HSPG2: variants seen among roughly 807,000 people sequenced by gnomAD.
The protein encoded by HSPG2 is heparan sulfate proteoglycan 2.
HSPG2 carries 278 observed loss-of-function variants against 526.6 expected under a neutral mutation model. That is an observed-to-expected ratio of 0.53 (90% CI 0.48 to 0.58). HSPG2 has a LOEUF of 0.58. Among genes scored for constraint, HSPG2 ranks in the 20% least tolerant of loss-of-function variants. HSPG2 has a pLI of 0.00. For missense variants in HSPG2, 5,354 were observed against 6,099.5 expected (o/e 0.88, Z 4.07); for synonymous variants, 2,465 against 2,555.4 (o/e 0.96, Z 1.07).
intron 1 of HSPG2, among the ~76,000 whole-genome samples, chr1:21,915,156 G>T (rs1643861630): frequency 6.6e-6 from 1 of 152,074 alleles, no homozygotes; most frequent in South Asian, 2.1e-4. Context: ...AGTGCAAACA[G>T]CACACTTGGC....
In HSPG2 at chr1:21,824,763, G is replaced by C; in HGVS notation, c.12606C>G (p.Tyr4202Ter). The part of the protein sequence containing the change: ...GSGGNDAPGQ[Y>*]GAYFHDDGFL... ...AGCCATCATCGTGGAAATAGGCTCCGTACTGCCCAGGGGCATCTGTGGGAG... is the reference window on the plus strand; with the variant it reads ...AGCCATCATCGTGGAAATAGGCTCCCTACTGCCCAGGGGCATCTGTGGGAG... The change falls in exon 92 of 97, where the codon TAC (tyrosine) becomes TAG (stop). Residue 4202 changes from tyrosine (Y) to a stop codon, truncating the protein, a stop_gained. Coordinates refer to ENST00000374695, the MANE Select transcript of HSPG2 (RefSeq NM_005529.7). LOFTEE classifies it high-confidence loss of function. The surrounding 1 kb of genome is among the most constrained non-coding windows in gnomAD (Gnocchi z 5.9). The C allele has an allele frequency of 6.2e-7, 1 of 1,612,928 alleles. No individual in the cohort carries two copies. The highest frequency in any genetic ancestry group is 8.5e-7 in the Non-Finnish European group (1 of 1,179,564).
Position 21,824,179 on chromosome 1 carries a change from G to T in HSPG2, c.12841C>A (p.Arg4281Ser). ...TTGATGGGGTCCTCAGAGACCAGGC[G>T]GGCCTCCCCACTACCCAGCTGGTAC... The part of the protein sequence containing the change: ...FRYQLGSGEA[R>S]LVSEDPINDG... The change falls in exon 95 of 97, where the codon CGC becomes AGC. Residue 4281 changes from arginine to serine, a missense_variant. Coordinates refer to ENST00000374695, the MANE Select transcript of HSPG2 (RefSeq NM_005529.7). This position sits in a 1 kb window ranked among gnomAD's most constrained non-coding sequence, Gnocchi z 5.9. 1 of 1,613,722 alleles carries T rather than the reference G, an allele frequency of 6.2e-7. No homozygotes were observed.
chr1:21,877,059 C>CAAAAAAAAAAA (rs3077630), intron 21 of HSPG2, among the ~76,000 whole-genome samples: 3 of 103,062 alleles, frequency 2.9e-5, no homozygotes, highest in East Asian at 2.6e-4. Flanking sequence ...GACTCCATCT[C>CAAAAAAAAAAA]AAAAAAAAAA....
Position 21,887,776 on chromosome 1 carries a change from C to G in HSPG2, c.704-102G>C. On this transcript the variant is annotated intron_variant, in intron 7 of 96. Coordinates refer to ENST00000374695, the MANE Select transcript of HSPG2 (RefSeq NM_005529.7). The surrounding 1 kb of genome is among the most constrained non-coding windows in gnomAD (Gnocchi z 5.0). Reference sequence around the variant, plus strand: ...GCCCACCCTGTACTCCCCAACACCACTCCCTGCCACCCCCTGCCTGGCTCT... The same window carrying G: ...GCCCACCCTGTACTCCCCAACACCAGTCCCTGCCACCCCCTGCCTGGCTCT... The G allele has an allele frequency of 6.4e-7, 1 of 1,561,258 alleles. No homozygotes were observed.
chr1:21,875,180 T>C, intron 25 of HSPG2, 178 bp from the exon 26 acceptor site: 1 of 652,302 alleles, frequency 1.5e-6, no homozygotes, highest in Non-Finnish European at 2.8e-6. Flanking sequence ...TACCTGCAAC[T>C]TACTCCAAAC....
intron 47 of HSPG2, 80 bp downstream of exon 47, chr1:21,855,224 C>A: frequency 6.7e-7 from 1 of 1,500,294 alleles, no homozygotes; most frequent in African/African-American, 1.4e-5. Flanking sequence ...TGGGGTGGGG[C>A]GTGAAGGGGG....
chr1:21,867,065 T>C (rs1436968365), intron 33 of HSPG2, among the ~76,000 whole-genome samples: 4 of 55,748 alleles, frequency 7.2e-5, no homozygotes, highest in African/African-American at 2.4e-4. Context: ...TTTTTATTTT[T>C]TTTTTCACCT....
intron 1 of HSPG2, among the ~76,000 whole-genome samples, chr1:21,911,631 A>G (rs1643687706): frequency 6.6e-6 from 1 of 152,198 alleles, no homozygotes; most frequent in Admixed American, 6.5e-5. Flanking sequence ...GGGGCTGAAC[A>G]TGCCTTAACT....
chr1:21,874,215 G>C (rs1324658566), intron 28 of HSPG2, among the ~76,000 whole-genome samples, 191 bp downstream of exon 28: 1 of 152,188 alleles, frequency 6.6e-6, no homozygotes, highest in Non-Finnish European at 1.5e-5. Flanking sequence ...GAGGAGGGTG[G>C]ACTACCCCAT....
rs560737435 is a variant in HSPG2 at position 21,887,285 on chromosome 1, A to G, written c.1008T>C (p.His336=). 6.2e-7 allele frequency: 1 copy of G among 1,613,942 alleles called. No homozygotes were observed. The highest frequency in any genetic ancestry group is 1.3e-5 in the African/African-American group (1 of 74,912). The part of the protein sequence containing the change: ...EPNEFPCGNG[H]CALKLWRCDG... ...CGCAGCGCCACAGCTTGAGGGCACAATGTCCATTCCCGCAGGGGAACTCGT... is the reference window on the plus strand; with the variant it reads ...CGCAGCGCCACAGCTTGAGGGCACAGTGTCCATTCCCGCAGGGGAACTCGT... The change falls in exon 9 of 97, where the codon CAT becomes CAC. Residue 336 remains histidine (H), a synonymous_variant. Coordinates refer to ENST00000374695, the MANE Select transcript of HSPG2 (RefSeq NM_005529.7). The surrounding 1 kb of genome is among the most constrained non-coding windows in gnomAD (Gnocchi z 5.0).
In HSPG2 at chr1:21,890,119, C is replaced by T. The variant is rs760250313; in HGVS notation, c.436G>A (p.Val146Met). 1.2e-6 allele frequency: 2 copies of T among 1,614,036 alleles called. No individual in the cohort carries two copies. The highest frequency in any genetic ancestry group is 8.5e-7 in the Non-Finnish European group (1 of 1,179,992). ...CCTTCCGAGCCCACATCCAGCTCCA[C>T]AAAAACCCAGCCATCCAGCTCCCTG... is the stretch of plus-strand genomic sequence containing the variant. ...FIKELDGWVF[V>M]ELDVGSEGNA... The change falls in exon 6 of 97, where the codon GTG (valine) becomes ATG (methionine). Residue 146 changes from valine (V) to methionine (M), a missense_variant. Coordinates refer to ENST00000374695, the MANE Select transcript of HSPG2 (RefSeq NM_005529.7). The surrounding 1 kb of genome is among the most constrained non-coding windows in gnomAD (Gnocchi z 4.1).
At chr1:21,873,471 G>A in intron 29 of HSPG2, 47 bp from the exon 30 acceptor site, 1 of 1,585,406 alleles carries the variant, frequency 6.3e-7, no homozygotes, top group South Asian at 1.1e-5. Flanking sequence ...AAGGGAAGCA[G>A]AACCCCAGGG....
intron 1 of HSPG2, among the ~76,000 whole-genome samples, chr1:21,905,171 C>CCACACACA (rs759299090): frequency 1.3e-4 from 11 of 81,884 alleles, no homozygotes; most frequent in East Asian, 7.1e-4. Flanking sequence ...CACCACCCAC[C>CCACACACA]CACACACACA....
intron 42 of HSPG2, among the ~76,000 whole-genome samples, chr1:21,857,978 G>T (rs535869331): frequency 6.8e-4 from 103 of 152,242 alleles, no homozygotes; most frequent in Non-Finnish European, 1.3e-3. Flanking sequence ...CAACATCAGC[G>T]TCTCCTCCTT....
chr1:21,848,467 A>C lies in HSPG2; in HGVS notation c.7737+176T>G, dbSNP rs145269693. Among the ~76,000 whole-genome samples the C allele has an allele frequency of 8.5e-3, 1,296 of 152,068 alleles. 17 individuals carry two copies. Among genetic ancestry groups the C allele is most frequent in the African/African-American group, 0.029 (1,212 of 41,498 alleles). On this transcript the variant is annotated intron_variant, in intron 59 of 96. Transcript: ENST00000374695. The surrounding 1 kb of genome is among the most constrained non-coding windows in gnomAD (Gnocchi z 4.9). Reference sequence around the variant, plus strand: ...TTTGGTGCAGAAGTGGATCTCCCTGAGGTCAGGGAGCCTTATTTCTGTATT... The same window carrying C: ...TTTGGTGCAGAAGTGGATCTCCCTGCGGTCAGGGAGCCTTATTTCTGTATT...
At position 21,864,107 on chromosome 1, in the gene HSPG2, G is replaced by T; in HGVS notation, c.4733C>A (p.Ala1578Asp). The change falls in exon 37 of 97, where the codon GCC becomes GAC. Residue 1578 changes from alanine (A) to aspartate (D), a missense_variant. By Grantham distance (126) the Ala-to-Asp change is moderately radical (BLOSUM62 -2). Transcript: ENST00000374695. The surrounding 1 kb of genome is among the most constrained non-coding windows in gnomAD (Gnocchi z 4.8). ...HSDLCHPETG[A>D]CSQCQHNAAG... ...GCCTCGCTTGCAGCTCACCGAGCAG[G>T]CCCCAGTCTCTGGGTGGCACAGGTC... is the stretch of plus-strand genomic sequence containing the variant. 6.4e-7 allele frequency: 1 copy of T among 1,552,836 alleles called. No homozygotes were observed. Among genetic ancestry groups the T allele is most frequent in the Non-Finnish European group, 8.7e-7 (1 of 1,148,064 alleles).
Position 21,885,283 on chromosome 1 carries a change from C to T in HSPG2, c.1210+37G>A, listed in dbSNP as rs200388143. ...TGTGGACAGAACCCCTAGAACCCAG[C>T]CCAGGGCCCGCATCTCGACCCCAGC... On this transcript the variant is annotated intron_variant, in intron 10 of 96. Transcript: ENST00000374695. 6.9e-4 allele frequency: 1,107 copies of T among 1,613,508 alleles called. 2 individuals carry two copies. Among genetic ancestry groups the T allele is most frequent in the Non-Finnish European group, 8.4e-4 (993 of 1,179,926 alleles).
intron 14 of HSPG2, 37 bp from the exon 15 acceptor site, chr1:21,880,872 G>A (rs750497963): frequency 1.3e-6 from 2 of 1,561,266 alleles, no homozygotes; most frequent in Non-Finnish European, 8.7e-7. Context: ...GGCAGCTGTG[G>A]GCACACTTGA....
intron 17 of HSPG2, 87 bp from the exon 18 acceptor site, chr1:21,879,208 C>G: frequency 6.5e-7 from 1 of 1,528,300 alleles, no homozygotes; most frequent in East Asian, 2.3e-5. Context: ...TCTAGCTCAG[C>G]CTCCCCATCA....
Sources: allele counts gnomAD v4.1 joint callset (sites outside exome capture counted in the v4.1 genomes callset), GRCh38; gene constraint gnomAD v4.1.1; non-coding constraint Gnocchi (gnomAD v3.1); transcripts MANE v1.5; gene names NCBI Gene and HGNC (gene_info 2026-07-23, HGNC 2026-07-21).